The following FNBP1 variants were observed in gnomAD, a reference collection of about 807,000 sequenced individuals.
FNBP1 encodes the protein formin-binding protein 1.
A neutral mutation model predicts 90.6 loss-of-function variants in FNBP1; 26 were observed. The ratio of observed to expected loss-of-function variants is 0.29; its 90% CI spans 0.21 to 0.40. FNBP1 has a LOEUF of 0.40. Among genes scored for constraint, FNBP1 ranks in the 10% least tolerant of loss-of-function variants. The probability of loss-of-function intolerance (pLI) is 1.00; values close to 1 mark genes in which losing one functional copy is unlikely to be tolerated. For missense variants in FNBP1, 635 were observed against 768.0 expected (o/e 0.83, Z 2.05); for synonymous variants, 260 against 265.2 (o/e 0.98, Z 0.19).
upstream of FNBP1, among the ~76,000 whole-genome samples, chr9:130,043,907 T>A (rs1293030600): frequency 6.6e-6 from 1 of 152,216 alleles, no homozygotes; most frequent in African/African-American, 2.4e-5. Context: ...CTCCCGCACG[T>A]GCTGGCCGGG....
At chr9:129,971,440 G>C (rs1308363373) in intron 4 of FNBP1, among the ~76,000 whole-genome samples, 2 of 151,860 alleles carry the variant, frequency 1.3e-5, no homozygotes, top group Non-Finnish European at 2.9e-5. Flanking sequence ...ACTCAGGCTG[G>C]AGTGCAGTGG....
chr9:129,902,485 C>T (rs1407362982), intron 13 of FNBP1, among the ~76,000 whole-genome samples: 1 of 152,074 alleles, frequency 6.6e-6, no homozygotes, highest in African/African-American at 2.4e-5. Flanking sequence ...GTGGCATGTG[C>T]CTGTAATCCC....
upstream of FNBP1, among the ~76,000 whole-genome samples, chr9:130,046,624 C>T (rs958754103): frequency 1.3e-5 from 2 of 150,042 alleles, no homozygotes; most frequent in Non-Finnish European, 3.0e-5. Context: ...AAAAATTAGC[C>T]CAGTGTGGTC....
chr9:129,977,434 G>A (rs550579597), intron 4 of FNBP1, among the ~76,000 whole-genome samples: 20 of 152,008 alleles, frequency 1.3e-4, no homozygotes, highest in African/African-American at 4.1e-4. Context: ...GAAAAGAATG[G>A]ATGTAACTGG....
intron 12 of FNBP1, among the ~76,000 whole-genome samples, chr9:129,905,535 C>G (rs554064315): frequency 2.6e-4 from 39 of 152,090 alleles, no homozygotes; most frequent in Non-Finnish European, 5.6e-4. Context: ...GTCTTGAACT[C>G]CTGACCTCAG....
intron 1 of FNBP1, among the ~76,000 whole-genome samples, chr9:130,033,682 A>T (rs2059014331): frequency 6.6e-6 from 1 of 151,548 alleles, no homozygotes; most frequent in African/African-American, 2.4e-5. Context: ...TCTACAAAAA[A>T]AACTTTTTTA....
intron 12 of FNBP1, among the ~76,000 whole-genome samples, chr9:129,904,359 T>C (rs1376645628): frequency 6.6e-6 from 1 of 152,162 alleles, no homozygotes; most frequent in East Asian, 1.9e-4. Context: ...TGGGGCATGT[T>C]TGGGTTGAAG....
chr9:129,890,615 A>G lies in FNBP1; in HGVS notation c.1847-69T>C. 3 of 1,156,108 alleles carry G rather than the reference A, an allele frequency of 2.6e-6. No individual in the cohort carries two copies. The highest frequency in any genetic ancestry group is 3.5e-6 in the Non-Finnish European group (3 of 860,308). The allele number at this position is 1,156,108 out of a possible 1,614,324, so 71.6% of individuals were successfully genotyped here. On this transcript the variant is annotated intron_variant, in intron 16 of 16. Transcript: ENST00000446176. The surrounding 1 kb of genome is among the most constrained non-coding windows in gnomAD (Gnocchi z 5.8). ...AGGAAGGCGCGGGTTCCAGGCGGGC[A>G]TTTTGCTCTTGGCTACAAACTGCAC...
At chr9:130,021,435 G>C (rs182371689) in intron 1 of FNBP1, among the ~76,000 whole-genome samples, 263 of 152,268 alleles carry the variant, frequency 1.7e-3, no homozygotes, top group African/African-American at 5.9e-3. Flanking sequence ...TGCTACTTCA[G>C]CTTACTTCTC....
At chr9:130,046,488 C>T (rs943136953), upstream of FNBP1, among the ~76,000 whole-genome samples, 1 of 146,710 alleles carries the variant, frequency 6.8e-6, no homozygotes, top group Non-Finnish European at 1.5e-5. Context: ...AATCCCAGCA[C>T]TTTGGGAGGC....
intron 10 of FNBP1, among the ~76,000 whole-genome samples, chr9:129,918,508 G>A (rs1011373648): frequency 3.9e-5 from 6 of 152,210 alleles, no homozygotes; most frequent in Admixed American, 2.0e-4. Context: ...CAGCCCAGGC[G>A]AGTCCATGTG....
intron 1 of FNBP1, among the ~76,000 whole-genome samples, chr9:130,036,778 G>A (rs1015739799): frequency 2.0e-5 from 3 of 152,156 alleles, no homozygotes; most frequent in Non-Finnish European, 4.4e-5. Flanking sequence ...GGGCGCAGTG[G>A]CTCACGCCTG....
At chr9:129,920,493 G>C (rs747267365) in intron 10 of FNBP1, among the ~76,000 whole-genome samples, 8 of 152,026 alleles carry the variant, frequency 5.3e-5, no homozygotes, top group Non-Finnish European at 1.0e-4. Context: ...GTAGAGACAG[G>C]GTTTCACCAT....
chr9:129,932,141 C>G (rs1035249040), intron 6 of FNBP1, among the ~76,000 whole-genome samples: 6 of 150,374 alleles, frequency 4.0e-5, no homozygotes, highest in African/African-American at 4.9e-5. Flanking sequence ...AACCCAGGAG[C>G]CGGAGGTTGC....
intron 1 of FNBP1, among the ~76,000 whole-genome samples, chr9:130,011,276 T>C (rs2056573664): frequency 9.2e-6 from 1 of 109,222 alleles, no homozygotes; most frequent in African/African-American, 3.4e-5. Context: ...ATAAAATATA[T>C]ATAACATTAT....
chr9:129,971,314 A>G (rs1024031191), intron 4 of FNBP1, among the ~76,000 whole-genome samples: 5 of 152,200 alleles, frequency 3.3e-5, no homozygotes, highest in South Asian at 2.1e-4. Flanking sequence ...AAAATACAGT[A>G]TATGTGCAGA....
intron 13 of FNBP1, 104 bp downstream of exon 13, chr9:129,902,765 G>A: frequency 1.7e-6 from 2 of 1,174,224 alleles, no homozygotes; most frequent in Non-Finnish European, 2.4e-6. Flanking sequence ...CATTCCCACT[G>A]TGTACCTCCC....
intron 4 of FNBP1, among the ~76,000 whole-genome samples, 194 bp from the exon 5 acceptor site, chr9:129,958,747 G>A (rs547876599): frequency 6.6e-6 from 1 of 151,956 alleles, no homozygotes; most frequent in South Asian, 2.1e-4. Context: ...CTGGGAGGCT[G>A]AGGAAGAAGA....
intron 1 of FNBP1, among the ~76,000 whole-genome samples, chr9:130,015,743 C>T (rs185456574): frequency 1.2e-4 from 19 of 152,302 alleles, no homozygotes; most frequent in African/African-American, 3.6e-4. Flanking sequence ...GGCACAATTT[C>T]GGCTCGCTGT....
Sources: gnomAD v4.1 joint callset for allele counts (sites outside exome capture counted in the v4.1 genomes callset) on GRCh38, gnomAD v4.1.1 for gene constraint, Gnocchi (gnomAD v3.1) non-coding constraint, MANE v1.5 for transcripts, NCBI Gene and HGNC (gene_info 2026-07-23, HGNC 2026-07-21) for gene names.